ADAM11: variants seen among roughly 807,000 people sequenced by gnomAD.
The protein encoded by ADAM11 is disintegrin and metalloproteinase domain-containing protein 11.
Under a neutral mutation model 119.1 loss-of-function variants are expected in ADAM11, and 49 were observed. The observed-to-expected ratio is 0.41, with a 90% CI of 0.33 to 0.52. The LOEUF (loss-of-function observed/expected upper bound fraction) is 0.52. Among genes scored for constraint, ADAM11 ranks in the 20% least tolerant of loss-of-function variants. The pLI is 0.20. For missense variants in ADAM11, 777 were observed against 1,047.5 expected (o/e 0.74, Z 3.56); for synonymous variants, 364 against 408.0 (o/e 0.89, Z 1.30).
chr17:44,775,536 G>C lies in ADAM11; in HGVS notation c.1393-48G>C. ...TGGGCACGAGGGAGCGTCTGAGTGG[G>C]AGGATTAGGGCTCGCCCGCCTCCTT... On this transcript the variant is annotated intron_variant, in intron 16 of 26. Coordinates refer to ENST00000200557, the MANE Select transcript of ADAM11 (RefSeq NM_002390.6). This position sits in a 1 kb window ranked among gnomAD's most constrained non-coding sequence, Gnocchi z 7.5. 3 of 1,565,728 alleles carry C rather than the reference G, an allele frequency of 1.9e-6. No individual in the cohort carries two copies. Among genetic ancestry groups the C allele is most frequent in the Non-Finnish European group, 1.7e-6 (2 of 1,159,056 alleles).
rs773597676 is a variant in ADAM11, at chr17:44,774,533, G to T, written c.1119G>T (p.Thr373=). ...CGATGGCCGTGACCCTTGCCCAGAC[G>T]CTGGGACAGAACCTGGGCATGATGT... ...MGAMAVTLAQ[T]LGQNLGMMWN... The change falls in exon 13 of 27, where the codon ACG becomes ACT. Residue 373 remains threonine, a synonymous_variant. Transcript: ENST00000200557. 3.7e-6 allele frequency: 6 copies of T among 1,613,348 alleles called. No individual in the cohort carries two copies. The highest frequency in any genetic ancestry group is 3.3e-5 in the South Asian group (3 of 91,056).
rs1340210143 is a variant in ADAM11 at position 44,776,358 on chromosome 17, G to A, written c.1566+151G>A. 3.7e-6 allele frequency: 3 copies of A among 811,246 alleles called. No homozygotes were observed. The African/African-American group carries it at 5.1e-5, about 14-fold the overall frequency. 50.3% of individuals were successfully genotyped at this position (811,246 alleles called of 1,614,324 possible). ...TCAGACTGTTTTCTTATCTGAGAAA[G>A]GGGTTCTTCATGCTCCTGGCCTTGT... On this transcript the variant is annotated intron_variant, in intron 18 of 26. Coordinates refer to ENST00000200557, the MANE Select transcript of ADAM11 (RefSeq NM_002390.6). This position sits in a 1 kb window ranked among gnomAD's most constrained non-coding sequence, Gnocchi z 5.2.
At position 44,773,079 on chromosome 17, in the gene ADAM11, C is replaced by G. The variant is rs140421831; in HGVS notation, c.819C>G (p.Ala273=). The change falls in exon 10 of 27, where the codon GCC becomes GCG. Residue 273 remains alanine, a synonymous_variant. Transcript: ENST00000200557. The surrounding 1 kb of genome is among the most constrained non-coding windows in gnomAD (Gnocchi z 4.6). The stretch of plus-strand genomic sequence containing the variant: ...TTGCCAAGTCCGTGGTGAACCTGGC[C>G]GATGTGGTAAGCAGCTCTCCCTCCC... ...SNFAKSVVNL[A]DVIYKEQLNT... The G allele has an allele frequency of 1.2e-6, 2 of 1,613,748 alleles. No individual in the cohort carries two copies. Among genetic ancestry groups the G allele is most frequent in the Non-Finnish European group, 1.7e-6 (2 of 1,179,880 alleles).
In ADAM11 at chr17:44,777,002, C is replaced by G. The variant is rs2049612106; in HGVS notation, c.1681+40C>G. On this transcript the variant is annotated intron_variant, in intron 20 of 26. Transcript: ENST00000200557. The surrounding 1 kb of genome is among the most constrained non-coding windows in gnomAD (Gnocchi z 5.1). ...GGCTGGGAGTGGGGACTCCGGAGGA[C>G]CCAGAGCTGAGAAGCTGGGGAGAGT... 1 of 1,594,532 alleles carries G rather than the reference C, an allele frequency of 6.3e-7. No homozygotes were observed. Among genetic ancestry groups the G allele is most frequent in the Non-Finnish European group, 8.6e-7 (1 of 1,165,844 alleles).
At position 44,781,052 on chromosome 17, in the gene ADAM11, G is replaced by A. The variant is rs2049687147; in HGVS notation, c.*1298G>A. On this transcript the variant is annotated 3_prime_UTR_variant, in exon 27 of 27. Coordinates refer to ENST00000200557, the MANE Select transcript of ADAM11 (RefSeq NM_002390.6). ...AGCACTGGCTCCTTGACCCTAAAAGGTAGCTGGCAGGGGCAAGATGGGGGC... is the reference window on the plus strand; with the variant it reads ...AGCACTGGCTCCTTGACCCTAAAAGATAGCTGGCAGGGGCAAGATGGGGGC... 1.3e-5 allele frequency: 2 copies of A among 152,318 alleles called. No homozygotes were observed. The highest frequency in any genetic ancestry group is 1.3e-4 in the Admixed American group (2 of 15,274). 9.4% of individuals were successfully genotyped at this position (152,318 alleles called of 1,614,324 possible). A position where few individuals can be genotyped will look rare whatever the true frequency, so the allele number is the denominator to read the frequency against.
In ADAM11 at chr17:44,776,983, G is replaced by A; in HGVS notation, c.1681+21G>A. On this transcript the variant is annotated intron_variant, in intron 20 of 26. Transcript: ENST00000200557. The surrounding 1 kb of genome is among the most constrained non-coding windows in gnomAD (Gnocchi z 5.2). Reference sequence around the variant, plus strand: ...CCATGGTGAGTCTGGCTAGGGCTGGGAGTGGGGACTCCGGAGGACCCAGAG... The same window carrying A: ...CCATGGTGAGTCTGGCTAGGGCTGGAAGTGGGGACTCCGGAGGACCCAGAG... 6.2e-7 allele frequency: 1 copy of A among 1,606,946 alleles called. No homozygotes were observed. Among genetic ancestry groups the A allele is most frequent in the Non-Finnish European group, 8.5e-7 (1 of 1,174,354 alleles).
chr17:44,780,001 C>A lies in ADAM11; in HGVS notation c.*247C>A, dbSNP rs773681039. On this transcript the variant is annotated 3_prime_UTR_variant, in exon 27 of 27. Coordinates refer to ENST00000200557, the MANE Select transcript of ADAM11 (RefSeq NM_002390.6). ...ACCTCCTGCGGCTCAGCCTTGCACACCCACTGCCCCGTGTGAATGTAGCTT... is the reference window on the plus strand; with the variant it reads ...ACCTCCTGCGGCTCAGCCTTGCACAACCACTGCCCCGTGTGAATGTAGCTT... 1 of 705,040 alleles carries A rather than the reference C, an allele frequency of 1.4e-6. No individual in the cohort carries two copies. The highest frequency in any genetic ancestry group is 1.7e-5 in the African/African-American group (1 of 57,320). 43.7% of individuals were successfully genotyped at this position (705,040 alleles called of 1,614,324 possible). A position where few individuals can be genotyped will look rare whatever the true frequency, so the allele number is the denominator to read the frequency against.
rs1248695400 is a variant in ADAM11 at position 44,780,274 on chromosome 17, A to C, written c.*520A>C. The C allele has an allele frequency of 2.4e-6, 1 of 412,310 alleles. No homozygotes were observed. The highest frequency in any genetic ancestry group is 4.7e-6 in the Non-Finnish European group (1 of 212,036). 25.5% of individuals were successfully genotyped at this position (412,310 alleles called of 1,614,324 possible). A position where few individuals can be genotyped will look rare whatever the true frequency, so the allele number is the denominator to read the frequency against. On this transcript the variant is annotated 3_prime_UTR_variant, in exon 27 of 27. Coordinates refer to ENST00000200557, the MANE Select transcript of ADAM11 (RefSeq NM_002390.6). The stretch of plus-strand genomic sequence containing the variant: ...GTGGGGATGTTTTGACATTTACAGG[A>C]GGGCCCGGAGAAACTGAGGTATGGC...
At position 44,778,052 on chromosome 17, in the gene ADAM11, C is replaced by T. The variant is rs142238794; in HGVS notation, c.2171C>T (p.Thr724Met). The part of the protein sequence containing the change: ...PLPTSPPTGE[T>M]ERYKGPSGTN... Reference sequence around the variant, plus strand: ...CCCACGTCCCCACCCACGGGGGAGACGGAGAGATATAAAGGTGAGGCTGGA... The same window carrying T: ...CCCACGTCCCCACCCACGGGGGAGATGGAGAGATATAAAGGTGAGGCTGGA... The change falls in exon 24 of 27, where the codon ACG (threonine) becomes ATG (methionine). Residue 724 changes from threonine (T) to methionine (M), a missense_variant. By Grantham distance (81) the Thr-to-Met change is moderately conservative. This residue lies in a region of ADAM11 where 348 missense variants were observed against 486.7 expected (regional missense o/e 0.72). Transcript: ENST00000200557. 1.7e-5 allele frequency: 27 copies of T among 1,613,130 alleles called. No homozygotes were observed. The highest frequency in any genetic ancestry group is 6.7e-5 in the East Asian group (3 of 44,866).
chr17:44,768,386 G>A (rs750830560), intron 2 of ADAM11, among the ~76,000 whole-genome samples: 4 of 152,186 alleles, frequency 2.6e-5, no homozygotes, highest in Non-Finnish European at 5.9e-5. Flanking sequence ...CCTGGCCGTT[G>A]GTGCCCCCCT....
In ADAM11 at chr17:44,781,527, C is replaced by A. The variant is rs1227968810; in HGVS notation, c.*1773C>A. ...TGCACACAGGTACAGTGCATCTGGG[C>A]ACAGCTTTTGGATCCACACCTCTGC... On this transcript the variant is annotated 3_prime_UTR_variant, in exon 27 of 27. Transcript: ENST00000200557. The A allele has an allele frequency of 6.6e-6, 1 of 152,312 alleles. No individual in the cohort carries two copies. Among genetic ancestry groups the A allele is most frequent in the Non-Finnish European group, 1.5e-5 (1 of 68,122 alleles). The allele number at this position is 152,312 out of a possible 1,614,324, so 9.4% of individuals were successfully genotyped here.
Position 44,759,757 on chromosome 17 carries a change from T to TG in ADAM11, c.104dup (p.Pro37ThrfsTer10), listed in dbSNP as rs767694891. 5.3e-6 allele frequency: 7 copies of TG among 1,325,494 alleles called. No homozygotes were observed. The highest frequency in any genetic ancestry group is 2.9e-5 in the South Asian group (1 of 34,642). 82.1% of individuals were successfully genotyped at this position (1,325,494 alleles called of 1,614,324 possible). On this transcript the variant is annotated frameshift_variant, in exon 2 of 27. Transcript: ENST00000200557. LOFTEE classifies it high-confidence loss of function. The stretch of plus-strand genomic sequence containing the variant: ...CCAAGGTCCTGCTGGAGCTCTGCGA[T>TG]GGGGGGGCTTACCCCAGCTGGGAGG...
rs757327904 is a variant in ADAM11 at position 44,773,095 on chromosome 17, T to C, written c.825+10T>C. The stretch of plus-strand genomic sequence containing the variant: ...GAACCTGGCCGATGTGGTAAGCAGC[T>C]CTCCCTCCCTCCCTTCCCTCCTCCT... On this transcript the variant is annotated intron_variant, in intron 10 of 26. Transcript: ENST00000200557. The surrounding 1 kb of genome is among the most constrained non-coding windows in gnomAD (Gnocchi z 4.6). The C allele has an allele frequency of 6.2e-7, 1 of 1,610,184 alleles. No individual in the cohort carries two copies. The highest frequency in any genetic ancestry group is 1.7e-5 in the Admixed American group (1 of 59,828).
chr17:44,759,684 G>A, intron 1 of ADAM11, 38 bp from the exon 2 acceptor site: 1 of 1,314,814 alleles, frequency 7.6e-7, no homozygotes, highest in Non-Finnish European at 9.8e-7. Flanking sequence ...CTGCCCCAGG[G>A]TGGGCAGCTG....
chr17:44,777,622 T>C lies in ADAM11; in HGVS notation c.1901+21T>C. ...TGCAGGTGCTGGCCAGGACCAAGAC[T>C]AGGGAGGGGAGGTTGCAGCTGTGCT... is the stretch of plus-strand genomic sequence containing the variant. On this transcript the variant is annotated intron_variant, in intron 22 of 26. Coordinates refer to ENST00000200557, the MANE Select transcript of ADAM11 (RefSeq NM_002390.6). This position sits in a 1 kb window ranked among gnomAD's most constrained non-coding sequence, Gnocchi z 5.1. The C allele has an allele frequency of 6.2e-7, 1 of 1,613,724 alleles. No homozygotes were observed. The highest frequency in any genetic ancestry group is 2.2e-5 in the East Asian group (1 of 44,878).
In ADAM11 at chr17:44,777,123, GGTCCTGGGGCGC is replaced by G; in HGVS notation, c.1682-40_1682-29del. The G allele has an allele frequency of 6.4e-7, 1 of 1,562,532 alleles. No individual in the cohort carries two copies. On this transcript the variant is annotated intron_variant, in intron 20 of 26. Coordinates refer to ENST00000200557, the MANE Select transcript of ADAM11 (RefSeq NM_002390.6). The surrounding 1 kb of genome is among the most constrained non-coding windows in gnomAD (Gnocchi z 5.1). ...GATGCAGGCCTGAGGTCTTGGGGTG[GGTCCTGGGGCGC>G]GTGGGGTCACTTGGCATCCTCTCCC...
Position 44,774,015 on chromosome 17 carries a change from C to G in ADAM11, c.993-280C>G, listed in dbSNP as rs1217128265. Among the ~76,000 whole-genome samples the G allele has an allele frequency of 2.0e-5, 3 of 152,162 alleles. No homozygotes were observed. The East Asian group carries it at 5.8e-4, about 29-fold the overall frequency. ...CTGAGGCAGGAGAATCGTTTGAACC[C>G]AGGAGGTGGAGATTGCAGTGAGCTG... On this transcript the variant is annotated intron_variant, in intron 11 of 26. Coordinates refer to ENST00000200557, the MANE Select transcript of ADAM11 (RefSeq NM_002390.6).
chr17:44,762,628 G>A (rs182184449), intron 2 of ADAM11, among the ~76,000 whole-genome samples: 219 of 152,286 alleles, frequency 1.4e-3, no homozygotes, highest in African/African-American at 4.9e-3. Flanking sequence ...TGGCTGGCAG[G>A]GCCTGGGGCG....
Position 44,780,633 on chromosome 17 carries a change from G to C in ADAM11, c.*879G>C, listed in dbSNP as rs1263432294. 5.9e-6 allele frequency: 1 copy of C among 169,746 alleles called. No homozygotes were observed. The highest frequency in any genetic ancestry group is 1.2e-5 in the Non-Finnish European group (1 of 80,342). The allele number at this position is 169,746 out of a possible 1,614,324, so 10.5% of individuals were successfully genotyped here. ...TTTCAAGAAGGGTGATTCTGGGGCC[G>C]ACTCAGGGTTTAGGTGCCCCCTGGT... On this transcript the variant is annotated 3_prime_UTR_variant, in exon 27 of 27. Coordinates refer to ENST00000200557, the MANE Select transcript of ADAM11 (RefSeq NM_002390.6).
Sources: gnomAD v4.1 joint callset for allele counts (sites outside exome capture counted in the v4.1 genomes callset) on GRCh38, gnomAD v4.1.1 for gene constraint, gnomAD v4.1.1 regional missense constraint, Gnocchi (gnomAD v3.1) non-coding constraint, MANE v1.5 for transcripts, NCBI Gene and HGNC (gene_info 2026-07-23, HGNC 2026-07-21) for gene names.